Variants in MGMT observed in about 807,000 individuals in gnomAD.
MGMT encodes methylated-DNA--protein-cysteine methyltransferase.
Under a neutral mutation model 15.9 loss-of-function variants are expected in MGMT, and 14 were observed. That is an observed-to-expected ratio of 0.88 (90% CI 0.58 to 1.37). The LOEUF (loss-of-function observed/expected upper bound fraction) is 1.37. Among genes scored for constraint, MGMT ranks in the 40% most tolerant of loss-of-function variants. The pLI is 0.00. For missense variants in MGMT, 282 were observed against 268.1 expected (o/e 1.05, Z -0.36); for synonymous variants, 130 against 118.2 (o/e 1.10, Z -0.65).
At chr10:129,634,646 T>G (rs1847246042) in intron 2 of MGMT, among the ~76,000 whole-genome samples, 1 of 152,164 alleles carries the variant, frequency 6.6e-6, no homozygotes, top group Non-Finnish European at 1.5e-5. Context: ...TTTTCCATTG[T>G]AGGTTTTTTT....
chr10:129,760,298 A>G (rs995955835), intron 4 of MGMT, among the ~76,000 whole-genome samples: 1 of 152,192 alleles, frequency 6.6e-6, no homozygotes, highest in East Asian at 1.9e-4. Context: ...GCCCATTGGG[A>G]GAACCCACAC....
intron 2 of MGMT, among the ~76,000 whole-genome samples, chr10:129,561,713 T>C (rs117182406): frequency 0.032 from 4,943 of 152,312 alleles, 130 homozygotes; most frequent in South Asian, 0.064. Context: ...TAAACTGCTA[T>C]GTCTGCAGTG....
intron 1 of MGMT, among the ~76,000 whole-genome samples, chr10:129,488,118 C>G (rs567094524): frequency 1.3e-5 from 2 of 152,094 alleles, no homozygotes; most frequent in East Asian, 1.9e-4. Flanking sequence ...GAAATTTTCT[C>G]TCATTCTACT....
chr10:129,579,092 T>C (rs986210792), intron 2 of MGMT, among the ~76,000 whole-genome samples: 1 of 152,184 alleles, frequency 6.6e-6, no homozygotes. Context: ...CCTAACAGAT[T>C]AGGATGATTT....
chr10:129,755,572 C>T (rs1272819393), intron 3 of MGMT, among the ~76,000 whole-genome samples: 1 of 152,230 alleles, frequency 6.6e-6, no homozygotes, highest in African/African-American at 2.4e-5. Context: ...GGAAGCCACA[C>T]GGACCTTGAC....
intron 2 of MGMT, among the ~76,000 whole-genome samples, chr10:129,665,476 A>G (rs1228200483): frequency 6.6e-6 from 1 of 151,934 alleles, no homozygotes; most frequent in African/African-American, 2.4e-5. Flanking sequence ...ATACAACATC[A>G]TGAATGACTC....
At chr10:129,494,209 T>C (rs372583828) in intron 1 of MGMT, among the ~76,000 whole-genome samples, 1 of 152,258 alleles carries the variant, frequency 6.6e-6, no homozygotes. Context: ...GTTTCCTGAA[T>C]TCAGGACTGT....
intron 2 of MGMT, among the ~76,000 whole-genome samples, chr10:129,576,687 G>A (rs1295543947): frequency 1.3e-5 from 2 of 152,172 alleles, no homozygotes; most frequent in Admixed American, 1.3e-4. Context: ...TCTGGCCAGG[G>A]CAATCAGGCA....
At chr10:129,628,226 A>G (rs916701717) in intron 2 of MGMT, among the ~76,000 whole-genome samples, 5 of 152,232 alleles carry the variant, frequency 3.3e-5, no homozygotes, top group Non-Finnish European at 4.4e-5. Flanking sequence ...ATCAAAAACC[A>G]TAACTTCATG....
At chr10:129,716,755 C>G (rs541772126) in intron 3 of MGMT, among the ~76,000 whole-genome samples, 1 of 152,308 alleles carries the variant, frequency 6.6e-6, no homozygotes, top group Admixed American at 6.5e-5. Context: ...GCTGTAGAAA[C>G]TGTACCTATT....
intron 2 of MGMT, among the ~76,000 whole-genome samples, chr10:129,685,012 G>A (rs189406780): frequency 9.2e-5 from 14 of 152,284 alleles, no homozygotes; most frequent in South Asian, 4.1e-4. Flanking sequence ...GAAATTCTAC[G>A]TGGGAAAAGC....
chr10:129,592,556 C>T (rs1034935567), intron 2 of MGMT, among the ~76,000 whole-genome samples: 3 of 152,114 alleles, frequency 2.0e-5, no homozygotes, highest in Admixed American at 6.5e-5. Context: ...ACAGTTGATT[C>T]GGAAGGCTTC....
intron 2 of MGMT, among the ~76,000 whole-genome samples, chr10:129,587,499 C>CT (rs944168312): frequency 1.8e-4 from 26 of 147,394 alleles, no homozygotes; most frequent in South Asian, 6.6e-4. Context: ...TTTTCTTTTT[C>CT]TTTTTTTTTG....
chr10:129,642,670 C>CTA (rs1847340749), intron 2 of MGMT, among the ~76,000 whole-genome samples: 1 of 152,160 alleles, frequency 6.6e-6, no homozygotes, highest in Non-Finnish European at 1.5e-5. Context: ...ATGCTATTAG[C>CTA]ATCTCTTAGT....
intron 2 of MGMT, among the ~76,000 whole-genome samples, chr10:129,575,822 A>G (rs1054383965): frequency 6.6e-6 from 1 of 152,300 alleles, no homozygotes; most frequent in African/African-American, 2.4e-5. Context: ...AGAAGAATCA[A>G]ATAGACGCAA....
chr10:129,579,162 A>G (rs1416537109), intron 2 of MGMT, among the ~76,000 whole-genome samples: 2 of 152,236 alleles, frequency 1.3e-5, no homozygotes, highest in African/African-American at 2.4e-5. Flanking sequence ...GCATTTTCCA[A>G]GATGGAAGGA....
At position 129,746,252 on chromosome 10, in the gene MGMT, AAAAC is replaced by A. The variant is rs532638067; in HGVS notation, c.275-12942_275-12939del. On this transcript the variant is annotated intron_variant, in intron 3 of 4. Transcript: ENST00000651593. ...AGACTCTGTCTCAAAAAAAAAAAAAAAAACAAACAAAAAAAAACACCTGACTTTC... is the reference window on the plus strand; with the variant it reads ...AGACTCTGTCTCAAAAAAAAAAAAAAAAACAAAAAAAAACACCTGACTTTC... Among the ~76,000 whole-genome samples the A allele has an allele frequency of 7.6e-3, 1,127 of 148,684 alleles. 14 individuals carry two copies. The highest frequency in any genetic ancestry group is 0.027 in the African/African-American group (1,086 of 40,072).
intron 2 of MGMT, among the ~76,000 whole-genome samples, chr10:129,674,665 C>G (rs1847764178): frequency 6.6e-6 from 1 of 152,214 alleles, no homozygotes; most frequent in African/African-American, 2.4e-5. Flanking sequence ...ATGGGAAAAC[C>G]TTGGTGGCTT....
chr10:129,659,332 G>A lies in MGMT; in HGVS notation c.126-48563G>A, dbSNP rs548972469. Among the ~76,000 whole-genome samples, 35 of 151,688 alleles carry A rather than the reference G, an allele frequency of 2.3e-4. No homozygotes were observed. Among genetic ancestry groups the A allele is most frequent in the Admixed American group, 1.1e-3 (17 of 15,272 alleles). ...AGATCGCACCACTGCGCTCCAGCCT[G>A]GGTGGCAGAGCGAGACTCCCTGTGT... On this transcript the variant is annotated intron_variant, in intron 2 of 4. Transcript: ENST00000651593. The surrounding 1 kb of genome is among the most constrained non-coding windows in gnomAD (Gnocchi z 4.1).
Sources: gnomAD v4.1 joint callset for allele counts (sites outside exome capture counted in the v4.1 genomes callset) on GRCh38, gnomAD v4.1.1 for gene constraint, Gnocchi (gnomAD v3.1) non-coding constraint, MANE v1.5 for transcripts, NCBI Gene and HGNC (gene_info 2026-07-23, HGNC 2026-07-21) for gene names.